Variants in C8orf34 observed in about 807,000 individuals in gnomAD.
The protein encoded by C8orf34 is uncharacterized protein C8orf34.
Under a neutral mutation model 68.3 loss-of-function variants are expected in C8orf34, and 65 were observed. The observed-to-expected ratio is 0.95, with a 90% CI of 0.78 to 1.17. C8orf34 has a LOEUF of 1.17. Ranked by LOEUF, C8orf34 falls within the 50% of genes most tolerant of loss-of-function variation. The pLI, the probability that C8orf34 is intolerant of heterozygous loss-of-function variation, is 0.00. For synonymous variants in C8orf34, 244 were observed against 241.2 expected (o/e 1.01, Z -0.11); for missense variants, 664 against 655.4 (o/e 1.01, Z -0.14).
At chr8:68,795,805 C>A (rs892917598) in intron 12 of C8orf34, among the ~76,000 whole-genome samples, 1 of 152,172 alleles carries the variant, frequency 6.6e-6, no homozygotes, top group Non-Finnish European at 1.5e-5. Context: ...ACCAGATTTT[C>A]TTCTAAACTT....
At chr8:68,359,215 G>T (rs1806879657) in intron 1 of C8orf34, among the ~76,000 whole-genome samples, 2 of 152,046 alleles carry the variant, frequency 1.3e-5, no homozygotes, top group Admixed American at 6.6e-5. Flanking sequence ...ATGATTTATA[G>T]CTTTTATGTG....
intron 4 of C8orf34, among the ~76,000 whole-genome samples, chr8:68,485,798 T>A (rs1813056320): frequency 6.6e-6 from 1 of 151,546 alleles, no homozygotes; most frequent in South Asian, 2.1e-4. Flanking sequence ...TCCCAAATAA[T>A]TGAATTATGG....
At chr8:68,366,681 A>G (rs1033894453) in intron 1 of C8orf34, among the ~76,000 whole-genome samples, 5 of 147,348 alleles carry the variant, frequency 3.4e-5, no homozygotes, top group Non-Finnish European at 6.0e-5. Context: ...GTGCTGGGAA[A>G]ACTGGCTAGC....
intron 6 of C8orf34, chr8:68,525,778 A>G: frequency 1.8e-6 from 1 of 549,032 alleles, no homozygotes; most frequent in Non-Finnish European, 3.4e-6. Context: ...CAGTGTAGCC[A>G]TGCTTCATCA....
intron 8 of C8orf34, among the ~76,000 whole-genome samples, chr8:68,693,336 G>A (rs998844055): frequency 6.6e-6 from 1 of 151,984 alleles, no homozygotes; most frequent in African/African-American, 2.4e-5. Context: ...GCCATAGAAG[G>A]ATTTAGTAGC....
At chr8:68,568,475 A>T (rs913055751) in intron 7 of C8orf34, among the ~76,000 whole-genome samples, 4 of 152,142 alleles carry the variant, frequency 2.6e-5, no homozygotes, top group Non-Finnish European at 4.4e-5. Flanking sequence ...CCAAAATGTG[A>T]CACAGACACG....
At chr8:68,613,315 T>C (rs1161598136) in intron 7 of C8orf34, among the ~76,000 whole-genome samples, 6 of 151,936 alleles carry the variant, frequency 3.9e-5, no homozygotes, top group Non-Finnish European at 7.4e-5. Context: ...TATTATACTT[T>C]AAGTTTTAGG....
intron 9 of C8orf34, among the ~76,000 whole-genome samples, chr8:68,710,179 G>A (rs1821291422): frequency 6.6e-6 from 1 of 152,070 alleles, no homozygotes; most frequent in Non-Finnish European, 1.5e-5. Context: ...AACTCACATC[G>A]TGAACTTTTG....
intron 8 of C8orf34, among the ~76,000 whole-genome samples, chr8:68,662,557 C>T (rs1563593663): frequency 1.3e-5 from 2 of 152,168 alleles, no homozygotes; most frequent in East Asian, 3.9e-4. Flanking sequence ...GCTCTCTTGC[C>T]TGCTGCCATG....
intron 9 of C8orf34, among the ~76,000 whole-genome samples, chr8:68,719,553 A>T (rs56329457): frequency 0.075 from 11,349 of 151,954 alleles, 604 homozygotes; most frequent in African/African-American, 0.15. Context: ...CACCTAATAC[A>T]GTGCTTGCCA....
intron 5 of C8orf34, among the ~76,000 whole-genome samples, chr8:68,492,968 T>C (rs1813378273): frequency 6.6e-6 from 1 of 152,242 alleles, no homozygotes; most frequent in South Asian, 2.1e-4. Flanking sequence ...TGCTGAAATT[T>C]AGTTACCTTC....
At chr8:68,371,474 C>T (rs932325145) in intron 1 of C8orf34, among the ~76,000 whole-genome samples, 6 of 152,086 alleles carry the variant, frequency 3.9e-5, no homozygotes, top group Non-Finnish European at 7.3e-5. Context: ...TTATTTATGA[C>T]ATCCTATATG....
intron 2 of C8orf34, among the ~76,000 whole-genome samples, chr8:68,444,485 TA>T (rs1490896362): frequency 3.9e-5 from 6 of 152,136 alleles, no homozygotes; most frequent in Non-Finnish European, 7.4e-5. Flanking sequence ...CTTAAAATAA[TA>T]TTTTCTCTTT....
At chr8:68,740,213 G>C (rs1266727374) in intron 10 of C8orf34, among the ~76,000 whole-genome samples, 1 of 152,140 alleles carries the variant, frequency 6.6e-6, no homozygotes, top group East Asian at 1.9e-4. Context: ...TCACGATAAA[G>C]ATGCCAAAAG....
chr8:68,407,924 T>G (rs1332842891), intron 1 of C8orf34, among the ~76,000 whole-genome samples: 1 of 152,160 alleles, frequency 6.6e-6, no homozygotes, highest in Non-Finnish European at 1.5e-5. Flanking sequence ...GTTCCTGTTT[T>G]ATAAAAGGAA....
At chr8:68,763,216 T>C (rs1585845933) in intron 10 of C8orf34, among the ~76,000 whole-genome samples, 2 of 152,252 alleles carry the variant, frequency 1.3e-5, no homozygotes, top group Admixed American at 6.5e-5. Flanking sequence ...GACAATGGTA[T>C]AATCTTTCGT....
intron 1 of C8orf34, among the ~76,000 whole-genome samples, chr8:68,334,817 G>A (rs1020485071): frequency 6.6e-6 from 1 of 152,090 alleles, no homozygotes; most frequent in Non-Finnish European, 1.5e-5. Context: ...AACTGATTTG[G>A]CATATATGTT....
chr8:68,673,194 A>G (rs1242977799), intron 8 of C8orf34, among the ~76,000 whole-genome samples: 1 of 152,120 alleles, frequency 6.6e-6, no homozygotes, highest in African/African-American at 2.4e-5. Flanking sequence ...GAACCAGCAT[A>G]TTGCCAGCTA....
intron 8 of C8orf34, among the ~76,000 whole-genome samples, chr8:68,675,302 A>G (rs1479880334): frequency 6.6e-6 from 1 of 152,196 alleles, no homozygotes; most frequent in African/African-American, 2.4e-5. Flanking sequence ...TTTGTAAACT[A>G]TTCATATCTT....
Sources: allele counts gnomAD v4.1 joint callset (sites outside exome capture counted in the v4.1 genomes callset), GRCh38; gene constraint gnomAD v4.1.1; transcripts MANE v1.5; gene names NCBI Gene and HGNC (gene_info 2026-07-23, HGNC 2026-07-21).